The following AJAP1 variants were observed in gnomAD, a reference collection of about 807,000 sequenced individuals.
AJAP1 encodes the protein adherens junction-associated protein 1.
In AJAP1, 5 loss-of-function variants were observed where a neutral mutation model predicts 35.0. The ratio of observed to expected loss-of-function variants is 0.14; its 90% CI spans 0.07 to 0.30. The LOEUF (loss-of-function observed/expected upper bound fraction) is 0.30. AJAP1 is among the 10% of genes least tolerant of loss of function. AJAP1 has a pLI of 1.00. For missense variants in AJAP1, 586 were observed against 571.0 expected (o/e 1.03, Z -0.27); for synonymous variants, 284 against 249.3 (o/e 1.14, Z -1.31).
At chr1:4,779,305 G>T (rs1352098195) in intron 5 of AJAP1, among the ~76,000 whole-genome samples, 1 of 152,104 alleles carries the variant, frequency 6.6e-6, no homozygotes, top group Admixed American at 6.5e-5. Flanking sequence ...GAGCCAGCAT[G>T]GGAAGTGCAG....
chr1:4,708,013 C>T (rs552412696), intron 1 of AJAP1, among the ~76,000 whole-genome samples: 1 of 148,972 alleles, frequency 6.7e-6, no homozygotes, highest in Non-Finnish European at 1.5e-5. Flanking sequence ...CCATCTCCAG[C>T]CTGGAGTGCA....
At chr1:4,679,052 C>T (rs1459701326) in intron 1 of AJAP1, among the ~76,000 whole-genome samples, 2 of 152,188 alleles carry the variant, frequency 1.3e-5, no homozygotes, top group Non-Finnish European at 2.9e-5. Flanking sequence ...CTGCTTCATC[C>T]TAGAAGGCCA....
At chr1:4,688,803 G>A (rs1287016192) in intron 1 of AJAP1, among the ~76,000 whole-genome samples, 3 of 150,766 alleles carry the variant, frequency 2.0e-5, no homozygotes, top group Non-Finnish European at 4.4e-5. Flanking sequence ...AGAAAGGATC[G>A]TGATGCCCTT....
intron 2 of AJAP1, among the ~76,000 whole-genome samples, chr1:4,730,508 C>T (rs1640774516): frequency 6.6e-6 from 1 of 152,218 alleles, no homozygotes; most frequent in African/African-American, 2.4e-5. Context: ...CAAGCCGCTG[C>T]CTCTGCCGAA....
chr1:4,778,615 T>C (rs1013635050), intron 5 of AJAP1, among the ~76,000 whole-genome samples: 2 of 131,944 alleles, frequency 1.5e-5, no homozygotes, highest in Non-Finnish European at 1.7e-5. Context: ...CTCTCTCTCT[T>C]CTCTCTGTCT....
chr1:4,750,417 C>T (rs1054730136), intron 2 of AJAP1, among the ~76,000 whole-genome samples: 2 of 152,312 alleles, frequency 1.3e-5, no homozygotes, highest in East Asian at 1.9e-4. Context: ...TGCAGGACCA[C>T]GTTGTCATCC....
At chr1:4,717,304 G>A (rs563354849) in intron 2 of AJAP1, among the ~76,000 whole-genome samples, 3 of 152,324 alleles carry the variant, frequency 2.0e-5, no homozygotes, top group East Asian at 1.9e-4. Flanking sequence ...TGAACCTTAC[G>A]TTCTTAGGCC....
At chr1:4,671,435 G>T (rs1639246613) in intron 1 of AJAP1, among the ~76,000 whole-genome samples, 1 of 150,362 alleles carries the variant, frequency 6.7e-6, no homozygotes, top group South Asian at 2.1e-4. Flanking sequence ...TGTGGCATGT[G>T]CACTGCATCC....
In AJAP1 at chr1:4,770,035, C is replaced by T. The variant is rs527559491; in HGVS notation, c.917+95C>T. On this transcript the variant is annotated intron_variant, in intron 3 of 5. Coordinates refer to ENST00000378191, the MANE Select transcript of AJAP1 (RefSeq NM_018836.4). ...AAGGCCCCTACTTTTCAAAGCCAGC[C>T]TGTTCTGCTGGCTTCTGCCCTGGGC... is the stretch of plus-strand genomic sequence containing the variant. 649 of 1,109,390 alleles carry T rather than the reference C, an allele frequency of 5.9e-4. 8 individuals are homozygous for T. The South Asian group carries it at 8.0e-3, about 14-fold the overall frequency. The allele number at this position is 1,109,390 out of a possible 1,614,324, so 68.7% of individuals were successfully genotyped here.
intron 2 of AJAP1, among the ~76,000 whole-genome samples, chr1:4,737,530 C>T (rs1376458283): frequency 1.3e-5 from 2 of 151,958 alleles, no homozygotes; most frequent in African/African-American, 4.8e-5. Flanking sequence ...TCATCCTTTC[C>T]TTAGGCCTCT....
chr1:4,763,873 C>T (rs1400974632), intron 2 of AJAP1, among the ~76,000 whole-genome samples: 1 of 146,258 alleles, frequency 6.8e-6, no homozygotes, highest in Non-Finnish European at 1.5e-5. Flanking sequence ...CTCCCTCCCT[C>T]TTTCTCCCCC....
chr1:4,660,236 G>A (rs548193484), intron 1 of AJAP1, among the ~76,000 whole-genome samples: 1 of 152,334 alleles, frequency 6.6e-6, no homozygotes, highest in South Asian at 2.1e-4. Flanking sequence ...TGCCGGCCCT[G>A]CATCAAAATG....
At chr1:4,731,099 G>A (rs1203378404) in intron 2 of AJAP1, among the ~76,000 whole-genome samples, 1 of 151,920 alleles carries the variant, frequency 6.6e-6, no homozygotes, top group Non-Finnish European at 1.5e-5. Flanking sequence ...GTTCTGTTTT[G>A]AGACAGAGTC....
intron 2 of AJAP1, among the ~76,000 whole-genome samples, chr1:4,761,185 G>C (rs756541397): frequency 6.6e-6 from 1 of 152,176 alleles, no homozygotes; most frequent in African/African-American, 2.4e-5. Context: ...CCCCATTCCC[G>C]GTGCCCCTGC....
intron 2 of AJAP1, among the ~76,000 whole-genome samples, chr1:4,763,886 T>C (rs2100350415): frequency 1.6e-5 from 2 of 123,140 alleles, no homozygotes; most frequent in Admixed American, 8.8e-5. Context: ...TCTCCCCCAC[T>C]TTCTCCCTCT....
At chr1:4,717,762 G>A (rs1305264845) in intron 2 of AJAP1, among the ~76,000 whole-genome samples, 1 of 152,144 alleles carries the variant, frequency 6.6e-6, no homozygotes, top group Non-Finnish European at 1.5e-5. Flanking sequence ...GCCTCATGAT[G>A]GTGAACTATT....
intron 2 of AJAP1, among the ~76,000 whole-genome samples, chr1:4,751,263 C>T (rs1258247355): frequency 1.3e-5 from 2 of 152,174 alleles, no homozygotes; most frequent in Non-Finnish European, 1.5e-5. Context: ...TGGACACCTT[C>T]GTCCAGCACA....
At chr1:4,749,738 A>C (rs1641279572) in intron 2 of AJAP1, among the ~76,000 whole-genome samples, 1 of 152,200 alleles carries the variant, frequency 6.6e-6, no homozygotes, top group South Asian at 2.1e-4. Flanking sequence ...CAGGTGTTTC[A>C]TGAAGGGTGT....
chr1:4,754,439 A>G (rs1641383488), intron 2 of AJAP1, among the ~76,000 whole-genome samples: 1 of 152,100 alleles, frequency 6.6e-6, no homozygotes, highest in Non-Finnish European at 1.5e-5. Flanking sequence ...CTGGCTACCC[A>G]CTAGGTTGGG....
Sources: gnomAD v4.1 joint callset for allele counts (sites outside exome capture counted in the v4.1 genomes callset) on GRCh38, gnomAD v4.1.1 for gene constraint, MANE v1.5 for transcripts, NCBI Gene and HGNC (gene_info 2026-07-23, HGNC 2026-07-21) for gene names.